PHIP: variants seen among roughly 807,000 people sequenced by gnomAD.
PHIP encodes the protein PH-interacting protein.
In PHIP, 54 loss-of-function variants were observed where a neutral mutation model predicts 236.8. The observed-to-expected ratio is 0.23, with a 90% confidence interval of 0.18 to 0.29. PHIP has a LOEUF of 0.29. Among genes scored for constraint, PHIP ranks in the 10% least tolerant of loss-of-function variants. The probability of loss-of-function intolerance (pLI) is 1.00; values close to 1 mark genes in which losing one functional copy is unlikely to be tolerated. For missense variants in PHIP, 1,370 were observed against 2,190.8 expected, an observed-to-expected ratio of 0.63 and a Z score of 7.48; for synonymous variants, 756 against 718.9, an observed-to-expected ratio of 1.05 and a Z score of -0.83.
chr6:78,955,748 G>T, intron 32 of PHIP, 66 bp from the exon 33 acceptor site: 1 of 608,956 alleles, frequency 1.6e-6, no homozygotes, highest in South Asian at 2.3e-5. Flanking sequence ...TTAAAAATTT[G>T]TTCGTAAAAC....
At chr6:79,059,017 A>G (rs1277597607) in intron 6 of PHIP, among the ~76,000 whole-genome samples, 1 of 152,078 alleles carries the variant, frequency 6.6e-6, no homozygotes, top group Non-Finnish European at 1.5e-5. Context: ...ATGGTTGTTT[A>G]TTATAGCAAG....
intron 9 of PHIP, among the ~76,000 whole-genome samples, chr6:79,023,718 G>C (rs761428136): frequency 1.6e-4 from 25 of 151,830 alleles, no homozygotes; most frequent in Non-Finnish European, 2.2e-4. Context: ...CTACATAAAG[G>C]TTCTGAAAAA....
intron 7 of PHIP, among the ~76,000 whole-genome samples, chr6:79,028,305 A>T (rs966726049): frequency 6.6e-5 from 10 of 152,180 alleles, no homozygotes; most frequent in African/African-American, 1.9e-4. Flanking sequence ...TCTAAAGATC[A>T]TCCTGGCATC....
chr6:78,988,047 C>A (rs1215585162), intron 21 of PHIP, among the ~76,000 whole-genome samples, 162 bp downstream of exon 21: 1 of 151,984 alleles, frequency 6.6e-6, no homozygotes, highest in Non-Finnish European at 1.5e-5. Context: ...GTGTGCCATG[C>A]CTAGAAATAG....
At chr6:78,950,136 A>G (rs779503389) in intron 35 of PHIP, among the ~76,000 whole-genome samples, 1 of 152,256 alleles carries the variant, frequency 6.6e-6, no homozygotes, top group Non-Finnish European at 1.5e-5. Context: ...ATTACTTGAT[A>G]TAATCATGAG....
chr6:79,028,411 A>C (rs1210517110), intron 7 of PHIP, among the ~76,000 whole-genome samples: 2 of 152,184 alleles, frequency 1.3e-5, no homozygotes, highest in African/African-American at 4.8e-5. Context: ...TTATTATAGC[A>C]AAAAAGAATA....
At chr6:79,041,897 G>C (rs541794331) in intron 7 of PHIP, among the ~76,000 whole-genome samples, 45 of 152,020 alleles carry the variant, frequency 3.0e-4, no homozygotes, top group Non-Finnish European at 6.2e-4. Flanking sequence ...TGGGTGTATG[G>C]ATAGAGGAGA....
In PHIP at chr6:79,015,236, T is replaced by C. The variant is rs764702024; in HGVS notation, c.1390-20A>G. On this transcript the variant is annotated intron_variant, in intron 14 of 39. Coordinates refer to ENST00000275034, the MANE Select transcript of PHIP (RefSeq NM_017934.7). ...ATGACCCTGAAATATTTTTGAAGTG[T>C]CAAAGAATCATAGATATTAAAAAAG... The C allele has an allele frequency of 8.9e-6, 14 of 1,579,162 alleles. No individual in the cohort carries two copies. Among genetic ancestry groups the C allele is most frequent in the Non-Finnish European group, 1.2e-5 (14 of 1,149,982 alleles).
chr6:78,955,874 G>A (rs1766387749), intron 32 of PHIP, 192 bp from the exon 33 acceptor site: 2 of 331,490 alleles, frequency 6.0e-6, no homozygotes, highest in African/African-American at 2.1e-5. Flanking sequence ...AGAGCTTTCA[G>A]TGTGGCCTCA....
At chr6:78,964,201 C>T (rs1766979918) in intron 29 of PHIP, among the ~76,000 whole-genome samples, 1 of 152,016 alleles carries the variant, frequency 6.6e-6, no homozygotes, top group South Asian at 2.1e-4. Flanking sequence ...TAATTTTAAA[C>T]AGCTCTAATT....
At chr6:78,958,720 G>C (rs905143581) in intron 31 of PHIP, 120 bp from the exon 32 acceptor site, 7 of 668,636 alleles carry the variant, frequency 1.0e-5, no homozygotes, top group Non-Finnish European at 1.9e-5. Flanking sequence ...AAAAACCATT[G>C]GTCTTATAAA....
intron 7 of PHIP, among the ~76,000 whole-genome samples, chr6:79,039,032 G>A (rs1014938061): frequency 6.6e-6 from 1 of 152,064 alleles, no homozygotes; most frequent in African/African-American, 2.4e-5. Flanking sequence ...TTTAATCCCT[G>A]ATTTCTTTTA....
intron 31 of PHIP, 148 bp from the exon 32 acceptor site, chr6:78,958,748 A>G (rs1450732221): frequency 8.0e-6 from 5 of 621,332 alleles, no homozygotes; most frequent in African/African-American, 1.9e-5. Context: ...TCAAAGCAGC[A>G]TAACTGCATT....
At chr6:79,026,775 T>C (rs1219745798) in intron 7 of PHIP, among the ~76,000 whole-genome samples, 1 of 151,956 alleles carries the variant, frequency 6.6e-6, no homozygotes, top group Non-Finnish European at 1.5e-5. Context: ...AATATCTATA[T>C]TTACAAATGA....
intron 4 of PHIP, among the ~76,000 whole-genome samples, chr6:79,072,481 ATTTT>A (rs66481367): frequency 6.6e-6 from 1 of 150,502 alleles, no homozygotes; most frequent in Non-Finnish European, 1.5e-5. Context: ...TCTTCCGAAG[ATTTT>A]TTTTTTCTTT....
intron 4 of PHIP, among the ~76,000 whole-genome samples, chr6:79,075,197 T>C (rs1354170970): frequency 1.3e-5 from 2 of 152,122 alleles, no homozygotes; most frequent in Non-Finnish European, 1.5e-5. Context: ...GTGTTCCAAA[T>C]GTTTTTAGAC....
chr6:78,970,737 T>C (rs745704549), intron 25 of PHIP, 44 bp downstream of exon 25: 95 of 1,249,736 alleles, frequency 7.6e-5, no homozygotes, highest in Admixed American at 1.4e-4. Context: ...CCAAATTCCA[T>C]AATTGTATTT....
chr6:79,016,258 C>T (rs1047611722), intron 13 of PHIP, among the ~76,000 whole-genome samples: 2 of 151,838 alleles, frequency 1.3e-5, no homozygotes, highest in Non-Finnish European at 2.9e-5. Context: ...CTGTGATAAA[C>T]GAAACATAAT....
In PHIP at chr6:79,077,735, A is replaced by G. The variant is rs1424207477; in HGVS notation, c.100-6T>C. 1 of 1,008,210 alleles carries G rather than the reference A, an allele frequency of 9.9e-7. No individual in the cohort carries two copies. Among genetic ancestry groups the G allele is most frequent in the Non-Finnish European group, 1.2e-6 (1 of 848,302 alleles). The allele number at this position is 1,008,210 out of a possible 1,614,324, so 62.5% of individuals were successfully genotyped here. ...GCCACCTCGCGGATCAGCACCTGCAACAACAAAGCGGGGAGAGCTGAGCCC... is the reference window on the plus strand; with the variant it reads ...GCCACCTCGCGGATCAGCACCTGCAGCAACAAAGCGGGGAGAGCTGAGCCC... On this transcript the variant is annotated splice_polypyrimidine_tract_variant and splice_region_variant and intron_variant, in intron 2 of 39. Coordinates refer to ENST00000275034, the MANE Select transcript of PHIP (RefSeq NM_017934.7).
Sources: allele counts gnomAD v4.1 joint callset (sites outside exome capture counted in the v4.1 genomes callset), GRCh38; gene constraint gnomAD v4.1.1; transcripts MANE v1.5; gene names NCBI Gene and HGNC (gene_info 2026-07-23, HGNC 2026-07-21).